PROX1: variants seen among roughly 807,000 people sequenced by gnomAD.
PROX1 encodes the protein prospero homeobox protein 1.
Under a neutral mutation model 58.8 loss-of-function variants are expected in PROX1, and 7 were observed. The ratio of observed to expected loss-of-function variants is 0.12; its 90% CI spans 0.07 to 0.22. The LOEUF is 0.22. Among genes scored for constraint, PROX1 ranks in the 10% least tolerant of loss-of-function variants. The pLI is 1.00. For missense variants in PROX1, 675 were observed against 927.8 expected (o/e 0.73, Z 3.54); for synonymous variants, 350 against 358.3 (o/e 0.98, Z 0.26).
intron 4 of PROX1, among the ~76,000 whole-genome samples, chr1:214,027,818 C>T (rs962497506): frequency 6.6e-6 from 1 of 151,792 alleles, no homozygotes; most frequent in African/African-American, 2.4e-5. Flanking sequence ...CAGAATGCTA[C>T]TGAATTTTGC....
chr1:214,005,240 A>G lies in PROX1; in HGVS notation c.1801A>G (p.Asn601Asp). 2 of 1,613,824 alleles carry G rather than the reference A, an allele frequency of 1.2e-6. No homozygotes were observed. The highest frequency in any genetic ancestry group is 1.7e-6 in the Non-Finnish European group (2 of 1,179,700). The change falls in exon 3 of 5, where the codon AAT becomes GAT. Residue 601 changes from asparagine (N) to aspartate (D), a missense_variant. By Grantham distance (23) the Asn-to-Asp change is conservative (BLOSUM62 1). Around this residue, in one of 8 missense-constraint regions of PROX1, gnomAD observed 39 missense variants for 73.4 expected, o/e 0.53. Coordinates refer to ENST00000366958, the MANE Select transcript of PROX1 (RefSeq NM_001270616.2). ...MFFYTRYPSS[N>D]MLKTYFSDVK... ...TTTTTATACCCGTTATCCCAGCTCC[A>G]ATATGCTGAAGACCTACTTCTCCGA...
rs758389362 is a variant in PROX1, at chr1:214,005,199, A to G, written c.1760A>G (p.Lys587Arg). 6.2e-7 allele frequency: 1 copy of G among 1,614,092 alleles called. No individual in the cohort carries two copies. Among genetic ancestry groups the G allele is most frequent in the African/African-American group, 1.3e-5 (1 of 75,034 alleles). ...GGATTGTCACCCAATCACTTGAAAA[A>G]AGCAAAGCTCATGTTTTTTTATACC... The part of the protein sequence containing the change: ...QEGLSPNHLK[K>R]AKLMFFYTRY... The change falls in exon 3 of 5, where the codon AAA (lysine) becomes AGA (arginine). Residue 587 changes from lysine (K) to arginine (R), a missense_variant. Lys to Arg is a conservative substitution (Grantham distance 26). Around this residue, in one of 8 missense-constraint regions of PROX1, gnomAD observed 39 missense variants for 73.4 expected, o/e 0.53. Coordinates refer to ENST00000366958, the MANE Select transcript of PROX1 (RefSeq NM_001270616.2).
chr1:213,993,978 C>T (rs1316819680), intron 1 of PROX1, among the ~76,000 whole-genome samples: 1 of 152,178 alleles, frequency 6.6e-6, no homozygotes, highest in African/African-American at 2.4e-5. Context: ...TTAACAGACT[C>T]CACAAGCATT....
chr1:214,028,406 T>C (rs1371093867), intron 4 of PROX1, among the ~76,000 whole-genome samples: 1 of 152,164 alleles, frequency 6.6e-6, no homozygotes, highest in African/African-American at 2.4e-5. Context: ...TCCATTCAGC[T>C]ACGAACAGTG....
chr1:214,019,805 C>T (rs1202794239), intron 4 of PROX1, among the ~76,000 whole-genome samples: 4 of 152,216 alleles, frequency 2.6e-5, no homozygotes, highest in East Asian at 3.9e-4. Flanking sequence ...GCCCTGCTGC[C>T]GGCCTCCTTG....
At chr1:214,023,128 A>G (rs561606324) in intron 4 of PROX1, among the ~76,000 whole-genome samples, 2 of 152,202 alleles carry the variant, frequency 1.3e-5, no homozygotes, top group Admixed American at 6.5e-5. Context: ...TATTGACTGA[A>G]TTGGCACTAT....
At chr1:213,992,329 T>G (rs1333419168) in intron 1 of PROX1, among the ~76,000 whole-genome samples, 1 of 152,144 alleles carries the variant, frequency 6.6e-6, no homozygotes, top group African/African-American at 2.4e-5. Context: ...AAAATAAATA[T>G]CAAAGGTTTT....
chr1:213,997,325 A>T lies in PROX1; in HGVS notation c.790A>T (p.Thr264Ser), dbSNP rs752808342. 6.2e-7 allele frequency: 1 copy of T among 1,614,022 alleles called. No individual in the cohort carries two copies. The highest frequency in any genetic ancestry group is 8.5e-7 in the Non-Finnish European group (1 of 1,180,044). Reference protein sequence around the residue: ...QEKFYQIYDSTDSENDEDGNL... With the variant: ...QEKFYQIYDSSDSENDEDGNL... ...AAAGTTCTACCAAATCTATGACAGC[A>T]CTGATTCGGAAAATGATGAAGATGG... Residue 264 changes from threonine to serine, a missense_variant, in exon 2 of 5, where the codon ACT becomes TCT. By Grantham distance (58) the Thr-to-Ser change is moderately conservative (BLOSUM62 1). This residue lies in a region of PROX1 where 403 missense variants were observed against 477.4 expected (regional missense o/e 0.84). Coordinates refer to ENST00000366958, the MANE Select transcript of PROX1 (RefSeq NM_001270616.2). The surrounding 1 kb of genome is among the most constrained non-coding windows in gnomAD (Gnocchi z 7.1).
Position 214,037,550 on chromosome 1 carries a change from C to T in PROX1, c.*1716C>T, listed in dbSNP as rs1664868365. On this transcript the variant is annotated 3_prime_UTR_variant, in exon 5 of 5. Transcript: ENST00000366958. ...GAACTCAATTATTGTCAGCACAAAG[C>T]CTTAAAACCTGCTGACTTTAAATTA... 1 of 152,134 alleles carries T rather than the reference C, an allele frequency of 6.6e-6. No individual in the cohort carries two copies. Among genetic ancestry groups the T allele is most frequent in the Non-Finnish European group, 1.5e-5 (1 of 68,026 alleles). The allele number at this position is 152,134 out of a possible 1,614,324, so 9.4% of individuals were successfully genotyped here. A position where few individuals can be genotyped will look rare whatever the true frequency, so the allele number is the denominator to read the frequency against.
intron 2 of PROX1, among the ~76,000 whole-genome samples, chr1:214,000,071 C>A (rs546423696): frequency 1.3e-5 from 2 of 151,278 alleles, no homozygotes; most frequent in East Asian, 3.9e-4. Flanking sequence ...CACACAGACA[C>A]ACACACACAG....
Position 213,997,563 on chromosome 1 carries a change from C to T in PROX1, c.1028C>T (p.Pro343Leu), listed in dbSNP as rs763076142. Residue 343 changes from proline to leucine, a missense_variant, in exon 2 of 5, where the codon CCG (proline) becomes CTG (leucine). Physicochemically the swap from Pro to Leu is moderately conservative, Grantham distance 98 (BLOSUM62 -3). Around this residue, in one of 8 missense-constraint regions of PROX1, gnomAD observed 403 missense variants for 477.4 expected, o/e 0.84. Transcript: ENST00000366958. This position sits in a 1 kb window ranked among gnomAD's most constrained non-coding sequence, Gnocchi z 7.1. The part of the protein sequence containing the change: ...ERDHGPNSLQ[P>L]EGKHLAETLK... Reference sequence around the variant, plus strand: ...GACCATGGGCCAAACTCCTTACAACCGGAAGGCAAACATTTGGCTGAGACC... The same window carrying T: ...GACCATGGGCCAAACTCCTTACAACTGGAAGGCAAACATTTGGCTGAGACC... The T allele has an allele frequency of 3.7e-6, 6 of 1,613,948 alleles. No homozygotes were observed. Among genetic ancestry groups the T allele is most frequent in the African/African-American group, 1.3e-5 (1 of 74,890 alleles).
At chr1:214,025,301 A>G (rs1204423026) in intron 4 of PROX1, among the ~76,000 whole-genome samples, 1 of 152,190 alleles carries the variant, frequency 6.6e-6, no homozygotes, top group Non-Finnish European at 1.5e-5. Context: ...ATCCTCCAAG[A>G]TAGAGCAGAA....
chr1:213,985,155 G>A (rs1662793905), upstream of PROX1: 1 of 152,298 alleles, frequency 6.6e-6, no homozygotes, highest in Non-Finnish European at 1.5e-5. Context: ...GGTTGTGTTG[G>A]AAGTGGGGCG....
chr1:214,025,951 C>T (rs1664442489), intron 4 of PROX1, among the ~76,000 whole-genome samples: 1 of 152,148 alleles, frequency 6.6e-6, no homozygotes, highest in Admixed American at 6.5e-5. Context: ...CGTGAGCCAC[C>T]GCACCCGGCC....
chr1:213,999,783 A>G (rs1663425872), intron 2 of PROX1, among the ~76,000 whole-genome samples: 1 of 152,236 alleles, frequency 6.6e-6, no homozygotes, highest in Non-Finnish European at 1.5e-5. Flanking sequence ...AGCTGCACCA[A>G]GCACCATGCC....
Position 214,011,719 on chromosome 1 carries a change from G to T in PROX1, c.2028+4G>T. The stretch of plus-strand genomic sequence containing the variant: ...CAATAAAGCAAATGACTTTGAGGTA[G>T]GAACTAATCTTTATTTTTTGGTCAT... On this transcript the variant is annotated splice_donor_region_variant and intron_variant, in intron 4 of 4. Transcript: ENST00000366958. 6.5e-7 allele frequency: 1 copy of T among 1,541,026 alleles called. No homozygotes were observed. The highest frequency in any genetic ancestry group is 1.2e-5 in the South Asian group (1 of 81,356).
Position 214,038,825 on chromosome 1 carries a change from G to A in PROX1, c.*2991G>A, listed in dbSNP as rs972125106. 2.0e-5 allele frequency: 3 copies of A among 151,998 alleles called. No individual in the cohort carries two copies. Among genetic ancestry groups the A allele is most frequent in the African/African-American group, 4.8e-5 (2 of 41,386 alleles). The allele number at this position is 151,998 out of a possible 1,614,324, so 9.4% of individuals were successfully genotyped here. On this transcript the variant is annotated 3_prime_UTR_variant, in exon 5 of 5. Transcript: ENST00000366958. ...TAACGTTGATAGCTATGCATATTTT[G>A]TGTCTTTTTAAAACAAAGCGGGAGA... is the stretch of plus-strand genomic sequence containing the variant.
At chr1:214,032,431 G>A (rs1664689406) in intron 4 of PROX1, among the ~76,000 whole-genome samples, 1 of 149,806 alleles carries the variant, frequency 6.7e-6, no homozygotes. Flanking sequence ...GGGTCTCACT[G>A]TCACCCAGGC....
At chr1:214,025,273 A>T (rs1664413244) in intron 4 of PROX1, among the ~76,000 whole-genome samples, 1 of 152,190 alleles carries the variant, frequency 6.6e-6, no homozygotes, top group Admixed American at 6.5e-5. Flanking sequence ...GGTCGAATTC[A>T]AGTGAATCAA....
Sources: gnomAD v4.1 joint callset for allele counts (sites outside exome capture counted in the v4.1 genomes callset) on GRCh38, gnomAD v4.1.1 for gene constraint, gnomAD v4.1.1 regional missense constraint, Gnocchi (gnomAD v3.1) non-coding constraint, MANE v1.5 for transcripts, NCBI Gene and HGNC (gene_info 2026-07-23, HGNC 2026-07-21) for gene names.